The following CSMD3 variants were observed in gnomAD, a reference collection of about 807,000 sequenced individuals.
The protein encoded by CSMD3 is CUB and Sushi multiple domains 3, also known as CUB and sushi domain-containing protein 3.
Under a neutral mutation model 435.2 loss-of-function variants are expected in CSMD3, and 177 were observed. The observed-to-expected ratio is 0.41, with a 90% CI of 0.36 to 0.46. The LOEUF is 0.46. Among genes scored for constraint, CSMD3 ranks in the 20% least tolerant of loss-of-function variants. The pLI is 0.34. For missense variants in CSMD3, 4,265 were observed against 4,504.6 expected (o/e 0.95, Z 1.52); for synonymous variants, 1,656 against 1,520.5 (o/e 1.09, Z -2.07).
chr8:112,509,086 CTTT>C (rs758083076), intron 28 of CSMD3, among the ~76,000 whole-genome samples: 7 of 132,468 alleles, frequency 5.3e-5, no homozygotes, highest in African/African-American at 8.3e-5. Flanking sequence ...GATTAGATGT[CTTT>C]TTTTTTTTTT....
intron 22 of CSMD3, among the ~76,000 whole-genome samples, chr8:112,589,434 G>A (rs1295786496): frequency 6.6e-6 from 1 of 152,034 alleles, no homozygotes; most frequent in Non-Finnish European, 1.5e-5. Context: ...AATTATTATG[G>A]TTCTTTTCAG....
intron 17 of CSMD3, among the ~76,000 whole-genome samples, chr8:112,664,223 T>C (rs969716809): frequency 7.9e-5 from 12 of 152,172 alleles, no homozygotes; most frequent in Non-Finnish European, 1.5e-5. Flanking sequence ...CAAATATGCT[T>C]GTTTTTCAAA....
chr8:112,617,710 T>C (rs1586817045), intron 22 of CSMD3, among the ~76,000 whole-genome samples: 1 of 152,284 alleles, frequency 6.6e-6, no homozygotes, highest in East Asian at 1.9e-4. Context: ...CATTGCCCAG[T>C]TGATTTCAAT....
intron 3 of CSMD3, among the ~76,000 whole-genome samples, chr8:113,277,433 C>T (rs1385106041): frequency 1.3e-5 from 2 of 151,960 alleles, no homozygotes; most frequent in South Asian, 2.1e-4. Flanking sequence ...ACAGAGAAAG[C>T]ATTTTACTAA....
chr8:112,282,373 T>G (rs1376259396), intron 58 of CSMD3, among the ~76,000 whole-genome samples: 2 of 152,066 alleles, frequency 1.3e-5, no homozygotes. Context: ...ACATTTTTAC[T>G]TTGTTGTTAA....
intron 32 of CSMD3, among the ~76,000 whole-genome samples, chr8:112,456,019 A>T (rs924155042): frequency 1.6e-5 from 2 of 125,414 alleles, no homozygotes; most frequent in South Asian, 2.5e-4. Context: ...CTAGCCCTAT[A>T]CTCTGACCAC....
At chr8:113,054,916 C>T (rs1227513484) in intron 5 of CSMD3, among the ~76,000 whole-genome samples, 2 of 152,098 alleles carry the variant, frequency 1.3e-5, no homozygotes, top group South Asian at 2.1e-4. Context: ...ATAGGTCTCT[C>T]GTTCTCACTT....
chr8:113,338,600 C>A (rs531771360), intron 1 of CSMD3, among the ~76,000 whole-genome samples: 50 of 151,844 alleles, frequency 3.3e-4, no homozygotes, highest in African/African-American at 1.1e-3. Context: ...GAACATTATG[C>A]CAAGTGGAAT....
intron 2 of CSMD3, among the ~76,000 whole-genome samples, chr8:113,290,625 G>T (rs1377415361): frequency 6.6e-6 from 1 of 151,526 alleles, no homozygotes; most frequent in Non-Finnish European, 1.5e-5. Flanking sequence ...ATCATTTTAG[G>T]TTAAATAAAA....
At chr8:113,402,420 G>C (rs2094514405) in intron 1 of CSMD3, among the ~76,000 whole-genome samples, 1 of 151,266 alleles carries the variant, frequency 6.6e-6, no homozygotes, top group South Asian at 2.1e-4. Flanking sequence ...TTAAAATGCA[G>C]ATCTTCATAA....
At chr8:112,792,569 TCAG>T (rs2078717992) in intron 13 of CSMD3, among the ~76,000 whole-genome samples, 1 of 152,154 alleles carries the variant, frequency 6.6e-6, no homozygotes, top group Non-Finnish European at 1.5e-5. Flanking sequence ...ATATAAATAT[TCAG>T]CTCATAACAG....
intron 12 of CSMD3, among the ~76,000 whole-genome samples, chr8:112,805,215 G>C (rs2079056391): frequency 6.6e-6 from 1 of 152,066 alleles, no homozygotes; most frequent in Non-Finnish European, 1.5e-5. Flanking sequence ...AGTGTCTGTG[G>C]AACTCCCTGG....
intron 32 of CSMD3, among the ~76,000 whole-genome samples, chr8:112,440,102 A>G (rs78338838): frequency 6.8e-4 from 103 of 152,324 alleles, no homozygotes; most frequent in African/African-American, 2.3e-3. Flanking sequence ...AGTCCCTTCT[A>G]TCTAAGAGCC....
At chr8:112,520,518 A>G (rs1824172403) in intron 27 of CSMD3, among the ~76,000 whole-genome samples, 2 of 151,990 alleles carry the variant, frequency 1.3e-5, no homozygotes, top group Admixed American at 1.3e-4. Context: ...CTGTCTATTG[A>G]TGAAAGAATT....
intron 1 of CSMD3, among the ~76,000 whole-genome samples, chr8:113,357,831 G>C (rs987836190): frequency 2.6e-5 from 4 of 152,084 alleles, no homozygotes; most frequent in Non-Finnish European, 4.4e-5. Context: ...TCTGTCTCCT[G>C]CTGGCCATGT....
chr8:112,405,685 GA>G (rs1831791274), intron 35 of CSMD3, among the ~76,000 whole-genome samples: 1 of 151,626 alleles, frequency 6.6e-6, no homozygotes, highest in Non-Finnish European at 1.5e-5. Context: ...GTGAAAGACT[GA>G]AAAAATTTAT....
At position 112,436,835 on chromosome 8, in the gene CSMD3, A is replaced by C. The variant is rs149254982; in HGVS notation, c.5396-27803T>G. On this transcript the variant is annotated intron_variant, in intron 32 of 70. Coordinates refer to ENST00000297405, the MANE Select transcript of CSMD3 (RefSeq NM_198123.2). Reference sequence around the variant, plus strand: ...CTGACATTTCAAATATATTATTGGAAATGAAATCAGTCTATCAATAAAAGG... The same window carrying C: ...CTGACATTTCAAATATATTATTGGACATGAAATCAGTCTATCAATAAAAGG... 8.0e-3 allele frequency among the ~76,000 whole-genome samples: 1,218 copies of C among 152,140 alleles called. 23 individuals are homozygous for C. The highest frequency in any genetic ancestry group is 0.027 in the African/African-American group (1,131 of 41,560).
chr8:112,339,414 C>T (rs1024942126), intron 42 of CSMD3, among the ~76,000 whole-genome samples: 2 of 152,050 alleles, frequency 1.3e-5, no homozygotes, highest in African/African-American at 2.4e-5. Flanking sequence ...TTCTAGGGGG[C>T]ATCTGGACCC....
At chr8:113,331,049 A>C (rs980925482) in intron 1 of CSMD3, among the ~76,000 whole-genome samples, 3 of 151,790 alleles carry the variant, frequency 2.0e-5, no homozygotes, top group Non-Finnish European at 4.4e-5. Flanking sequence ...AAGATCAGCA[A>C]ATTGACAAAA....
Sources: gnomAD v4.1 joint callset for allele counts (sites outside exome capture counted in the v4.1 genomes callset) on GRCh38, gnomAD v4.1.1 for gene constraint, MANE v1.5 for transcripts, NCBI Gene and HGNC (gene_info 2026-07-23, HGNC 2026-07-21) for gene names.